Variants in PLXNA4 observed in about 807,000 individuals in gnomAD.
The protein encoded by PLXNA4 is plexin-A4.
Under a neutral mutation model 191.8 loss-of-function variants are expected in PLXNA4, and 44 were observed. The ratio of observed to expected loss-of-function variants is 0.23; its 90% CI spans 0.18 to 0.29. PLXNA4 has a LOEUF of 0.29. Ranked by LOEUF, PLXNA4 falls within the 10% of genes least tolerant of loss-of-function variation. The pLI, the probability that PLXNA4 is intolerant of heterozygous loss-of-function variation, is 1.00. For missense variants in PLXNA4, 1,800 were observed against 2,488.8 expected (o/e 0.72, Z 5.89); for synonymous variants, 1,082 against 1,009.5 (o/e 1.07, Z -1.36).
At chr7:132,558,184 T>C (rs1800883957) in intron 1 of PLXNA4, among the ~76,000 whole-genome samples, 1 of 152,258 alleles carries the variant, frequency 6.6e-6, no homozygotes, top group South Asian at 2.1e-4. Flanking sequence ...CTAAGTCTAC[T>C]TGTAAAATTT....
At chr7:132,460,385 A>T (rs75093617) in intron 3 of PLXNA4, among the ~76,000 whole-genome samples, 1 of 146,416 alleles carries the variant, frequency 6.8e-6, no homozygotes, top group South Asian at 2.4e-4. Context: ...AAAAAAAAAA[A>T]CCTCAAATTG....
chr7:132,351,787 G>T (rs1263348659), intron 3 of PLXNA4, among the ~76,000 whole-genome samples: 1 of 152,116 alleles, frequency 6.6e-6, no homozygotes, highest in African/African-American at 2.4e-5. Flanking sequence ...AAGCAATGTG[G>T]GGGAAGATGC....
chr7:132,290,558 T>A (rs1340133090), intron 4 of PLXNA4, among the ~76,000 whole-genome samples: 1 of 152,170 alleles, frequency 6.6e-6, no homozygotes, highest in Non-Finnish European at 1.5e-5. Flanking sequence ...GTTACTGGAA[T>A]TTTAGTAAAT....
At position 132,436,369 on chromosome 7, in the gene PLXNA4, G is replaced by A. The variant is rs528590042; in HGVS notation, c.1371+52923C>T. 6.6e-5 allele frequency among the ~76,000 whole-genome samples: 10 copies of A among 152,298 alleles called. No individual in the cohort carries two copies. In the South Asian group the frequency reaches 1.7e-3, roughly 25 times the overall value. ...AGTGATGAGGTAAGGCCATGGCAAC[G>A]AACACCATGCCACTATCCAGGATAA... On this transcript the variant is annotated intron_variant, in intron 3 of 31. Coordinates refer to ENST00000321063, the MANE Select transcript of PLXNA4 (RefSeq NM_020911.2).
chr7:132,639,718 A>G (rs1251883276), intron 2 of PLXNA4, among the ~76,000 whole-genome samples: 1 of 152,218 alleles, frequency 6.6e-6, no homozygotes, highest in Non-Finnish European at 1.5e-5. Context: ...ATAATGTTAA[A>G]GTTTTCATCT....
At chr7:132,470,270 G>C (rs1371374714) in intron 3 of PLXNA4, among the ~76,000 whole-genome samples, 1 of 152,202 alleles carries the variant, frequency 6.6e-6, no homozygotes, top group Non-Finnish European at 1.5e-5. Flanking sequence ...ACAAGGGGGG[G>C]CCTGTCCTCA....
At chr7:132,527,663 G>A (rs949963909) in intron 1 of PLXNA4, among the ~76,000 whole-genome samples, 3 of 151,886 alleles carry the variant, frequency 2.0e-5, no homozygotes, top group Non-Finnish European at 4.4e-5. Context: ...AAAAATCGAT[G>A]AGGCAACGGA....
rs1275332902 is a variant in PLXNA4, at chr7:132,189,426, A to T, written c.2857-1819T>A. ...AGGGAAGGGGGAAAGCATTCCCTGC[A>T]TGGAGACCTTTAGGAACAGCTAGTG... On this transcript the variant is annotated intron_variant, in intron 14 of 31. Transcript: ENST00000321063. 2.0e-5 allele frequency among the ~76,000 whole-genome samples: 3 copies of T among 152,198 alleles called. No individual in the cohort carries two copies. The East Asian group carries it at 5.8e-4, about 29-fold the overall frequency.
chr7:132,140,939 T>C, intron 29 of PLXNA4, 128 bp from the exon 30 acceptor site: 12 of 1,454,846 alleles, frequency 8.2e-6, no homozygotes, highest in Non-Finnish European at 1.1e-5. Flanking sequence ...TTCTCTATGC[T>C]GCGGATGGGA....
In PLXNA4 at chr7:132,125,004, AAAT is replaced by A. The variant is rs1763447396; in HGVS notation, c.*5472_*5474del. 2 of 151,704 alleles carry A rather than the reference AAAT, an allele frequency of 1.3e-5. No homozygotes were observed. Among genetic ancestry groups the A allele is most frequent in the Non-Finnish European group, 2.9e-5 (2 of 67,928 alleles). 9.4% of individuals were successfully genotyped at this position (151,704 alleles called of 1,614,324 possible). On this transcript the variant is annotated 3_prime_UTR_variant, in exon 32 of 32. Coordinates refer to ENST00000321063, the MANE Select transcript of PLXNA4 (RefSeq NM_020911.2). ...TAAAACTTGGATACTCCCTCTAATA[AAAT>A]AATTTTATGGGGGAGCAAAAATTTG...
At position 132,606,554 on chromosome 7, in the gene PLXNA4, G is replaced by A. The variant is rs757091809; in HGVS notation, c.-87+39374C>T. ...CCTAGTGTTTCTCGTAGGCTAAATC[G>A]CACATAAGTAAATGTGAAATCTGTG... On this transcript the variant is annotated intron_variant, in intron 2 of 4. Coordinates refer to the PLXNA4 transcript ENST00000378539. Among the ~76,000 whole-genome samples, 9 of 152,184 alleles carry A rather than the reference G, an allele frequency of 5.9e-5. No individual in the cohort carries two copies. In the South Asian group the frequency reaches 6.2e-4, roughly 10 times the overall value.
chr7:132,621,032 G>A (rs1803250146), intron 2 of PLXNA4, among the ~76,000 whole-genome samples: 1 of 151,952 alleles, frequency 6.6e-6, no homozygotes, highest in Non-Finnish European at 1.5e-5. Flanking sequence ...TTTCATTCAT[G>A]AGGGCTCCAC....
intron 5 of PLXNA4, among the ~76,000 whole-genome samples, chr7:132,232,929 T>C (rs1197124926): frequency 6.6e-6 from 1 of 152,206 alleles, no homozygotes; most frequent in East Asian, 1.9e-4. Flanking sequence ...GGAGGGGCTG[T>C]TGCTGATCCA....
At chr7:132,605,292 C>A (rs13234673) in intron 2 of PLXNA4, among the ~76,000 whole-genome samples, 15,607 of 152,150 alleles carry the variant, frequency 0.1, 1,012 homozygotes, top group Non-Finnish European at 0.14. Context: ...TAGATGAGAC[C>A]CTTTGGACTA....
chr7:132,170,931 C>T (rs1796266676), intron 21 of PLXNA4, among the ~76,000 whole-genome samples: 1 of 152,236 alleles, frequency 6.6e-6, no homozygotes, highest in Non-Finnish European at 1.5e-5. Context: ...CAGCAGGCCA[C>T]AGCCCCTGCT....
At chr7:132,224,764 A>G (rs1215262132) in intron 8 of PLXNA4, among the ~76,000 whole-genome samples, 1 of 152,104 alleles carries the variant, frequency 6.6e-6, no homozygotes, top group African/African-American at 2.4e-5. Flanking sequence ...AGAGTAACTC[A>G]TTTTTGGCTG....
intron 4 of PLXNA4, among the ~76,000 whole-genome samples, chr7:132,274,868 A>G (rs895193800): frequency 1.3e-5 from 2 of 148,852 alleles, no homozygotes; most frequent in African/African-American, 5.0e-5. Context: ...TTAGCCTCCC[A>G]AATTGTTGGG....
chr7:132,523,871 A>G (rs1799291091), intron 1 of PLXNA4, among the ~76,000 whole-genome samples: 1 of 152,100 alleles, frequency 6.6e-6, no homozygotes, highest in South Asian at 2.1e-4. Context: ...ATATGGGGAA[A>G]TCAGGGCAGT....
Position 132,181,319 on chromosome 7 carries a change from A to G in PLXNA4, c.3492+62T>C, listed in dbSNP as rs1220393409. 2.5e-6 allele frequency: 4 copies of G among 1,598,710 alleles called. No individual in the cohort carries two copies. The African/African-American group carries it at 5.4e-5, about 21-fold the overall frequency. ...TGTGGCAGGAGTCTGTGACTTGAAC[A>G]CCCCCTTCCATGCAGCAGCCCCTTC... is the stretch of plus-strand genomic sequence containing the variant. On this transcript the variant is annotated intron_variant, in intron 18 of 31. Coordinates refer to ENST00000321063, the MANE Select transcript of PLXNA4 (RefSeq NM_020911.2).
Sources: allele counts gnomAD v4.1 joint callset (sites outside exome capture counted in the v4.1 genomes callset), GRCh38; gene constraint gnomAD v4.1.1; transcripts MANE v1.5; gene names NCBI Gene and HGNC (gene_info 2026-07-23, HGNC 2026-07-21).